The following ELOB variants were observed in gnomAD, a reference collection of about 807,000 sequenced individuals.
The protein encoded by ELOB is elongin B.
In ELOB, 3 loss-of-function variants were observed where a neutral mutation model predicts 12.9. The ratio of observed to expected loss-of-function variants is 0.23; its 90% CI spans 0.11 to 0.60. ELOB has a LOEUF of 0.60. Among genes scored for constraint, ELOB ranks in the 20% least tolerant of loss-of-function variants. ELOB has a pLI of 0.89. For synonymous variants in ELOB, 84 were observed against 67.4 expected (o/e 1.25, Z -1.21); for missense variants, 126 against 159.2 (o/e 0.79, Z 1.12).
In ELOB at chr16:2,771,812, T is replaced by C. The variant is rs2068756801; in HGVS notation, c.*178A>G. 6.9e-7 allele frequency: 1 copy of C among 1,451,562 alleles called. No homozygotes were observed. The highest frequency in any genetic ancestry group is 1.4e-5 in the African/African-American group (1 of 70,136). 89.9% of individuals were successfully genotyped at this position (1,451,562 alleles called of 1,614,324 possible). Reference sequence around the variant, plus strand: ...CCTTTAAGCAGCAGGCTGGGCCAAGTTCTCAGCCAGGGTCTCAGGATCTGG... The same window carrying C: ...CCTTTAAGCAGCAGGCTGGGCCAAGCTCTCAGCCAGGGTCTCAGGATCTGG... On this transcript the variant is annotated 3_prime_UTR_variant, in exon 4 of 4. Coordinates refer to ENST00000409906, the MANE Select transcript of ELOB (RefSeq NM_007108.4).
intron 3 of ELOB, among the ~76,000 whole-genome samples, chr16:2,774,116 GCTC>G (rs2068785355): frequency 6.6e-6 from 1 of 152,188 alleles, no homozygotes; most frequent in South Asian, 2.1e-4. Context: ...TGTAATCCCA[GCTC>G]CTCAGGCCAC....
chr16:2,772,604 G>T (rs1024090113), intron 3 of ELOB: 5 of 151,792 alleles, frequency 3.3e-5, no homozygotes, highest in African/African-American at 9.7e-5. Flanking sequence ...CAGCTTCTCG[G>T]GAGGCTGAGG....
In ELOB at chr16:2,771,873, C is replaced by A; in HGVS notation, c.*117G>T. ...AGCACAGGAACTGCCAAGCACAAGCCCCAAAAGGAGCCCACAGGGAGTGGG... is the reference window on the plus strand; with the variant it reads ...AGCACAGGAACTGCCAAGCACAAGCACCAAAAGGAGCCCACAGGGAGTGGG... On this transcript the variant is annotated 3_prime_UTR_variant, in exon 4 of 4. Transcript: ENST00000409906. 1 of 1,471,864 alleles carries A rather than the reference C, an allele frequency of 6.8e-7. No individual in the cohort carries two copies. The highest frequency in any genetic ancestry group is 9.0e-7 in the Non-Finnish European group (1 of 1,110,606). 91.2% of individuals were successfully genotyped at this position (1,471,864 alleles called of 1,614,324 possible).
Position 2,771,950 on chromosome 16 carries a change from A to C in ELOB, c.*40T>G, listed in dbSNP as rs759789940. The stretch of plus-strand genomic sequence containing the variant: ...AGAGGCAGCAACCAGGCAGACTCCC[A>C]AATCTCTTTTATTGGGGGAAATGGG... On this transcript the variant is annotated 3_prime_UTR_variant, in exon 4 of 4. Transcript: ENST00000409906. The C allele has an allele frequency of 6.3e-7, 1 of 1,591,540 alleles. No homozygotes were observed. The highest frequency in any genetic ancestry group is 8.5e-7 in the Non-Finnish European group (1 of 1,170,558).
At chr16:2,774,270 G>A (rs985763800) in intron 3 of ELOB, among the ~76,000 whole-genome samples, 5 of 152,168 alleles carry the variant, frequency 3.3e-5, no homozygotes, top group South Asian at 2.1e-4. Flanking sequence ...TACAAGGCAC[G>A]ACCTGTGTCT....
intron 3 of ELOB, 59 bp from the exon 4 acceptor site, chr16:2,772,161 C>G: frequency 6.7e-7 from 1 of 1,501,558 alleles, no homozygotes; most frequent in South Asian, 1.3e-5. Flanking sequence ...CAGCTGGGGC[C>G]TTGGTGTTCA....
Position 2,771,680 on chromosome 16 carries a change from T to C in ELOB, c.*310A>G. On this transcript the variant is annotated 3_prime_UTR_variant, in exon 4 of 4. Coordinates refer to ENST00000409906, the MANE Select transcript of ELOB (RefSeq NM_007108.4). Reference sequence around the variant, plus strand: ...CTTGTCCCTGAGGCTGGCTCTGGTCTTTGTGTCTCTCCCAGTCCTTCCCTT... The same window carrying C: ...CTTGTCCCTGAGGCTGGCTCTGGTCCTTGTGTCTCTCCCAGTCCTTCCCTT... The C allele has an allele frequency of 6.2e-7, 1 of 1,601,154 alleles. No homozygotes were observed. Among genetic ancestry groups the C allele is most frequent in the Non-Finnish European group, 8.5e-7 (1 of 1,174,224 alleles).
rs1010996845 is a variant in ELOB at position 2,775,873 on chromosome 16, C to T, written c.139-317G>A. On this transcript the variant is annotated intron_variant, in intron 2 of 3. Coordinates refer to ENST00000409906, the MANE Select transcript of ELOB (RefSeq NM_007108.4). ...CCCAGCTCTGTCACCCTGGACTAGG[C>T]ATTTGAACATTTTTTTATTTTAGAG... Among the ~76,000 whole-genome samples the T allele has an allele frequency of 5.3e-5, 8 of 152,200 alleles. No individual in the cohort carries two copies. In the South Asian group the frequency reaches 8.3e-4, roughly 16 times the overall value.
intron 3 of ELOB, among the ~76,000 whole-genome samples, chr16:2,774,354 C>T (rs569871286): frequency 1.3e-3 from 199 of 152,370 alleles, no homozygotes; most frequent in Non-Finnish European, 1.8e-3. Flanking sequence ...CTGAAGCTTC[C>T]CATCTGTTGG....
Position 2,771,831 on chromosome 16 carries a change from G to A in ELOB, c.*159C>T, listed in dbSNP as rs2068757181. On this transcript the variant is annotated 3_prime_UTR_variant, in exon 4 of 4. Coordinates refer to ENST00000409906, the MANE Select transcript of ELOB (RefSeq NM_007108.4). ...GCCAAGTTCTCAGCCAGGGTCTCAG[G>A]ATCTGGGAGACAGGACAGCACAGGA... 4 of 1,452,736 alleles carry A rather than the reference G, an allele frequency of 2.8e-6. No homozygotes were observed. In the South Asian group the frequency reaches 4.4e-5, roughly 16 times the overall value. 90.0% of individuals were successfully genotyped at this position (1,452,736 alleles called of 1,614,324 possible).
At chr16:2,773,820 C>T (rs1318277440) in intron 3 of ELOB, among the ~76,000 whole-genome samples, 3 of 152,198 alleles carry the variant, frequency 2.0e-5, no homozygotes, top group Non-Finnish European at 4.4e-5. Context: ...CACAGCAAAC[C>T]TCTAGGGGTA....
Position 2,771,676 on chromosome 16 carries a change from G to A in ELOB, c.*314C>T. The A allele has an allele frequency of 1.2e-6, 2 of 1,603,588 alleles. No homozygotes were observed. The highest frequency in any genetic ancestry group is 1.7e-6 in the Non-Finnish European group (2 of 1,175,262). On this transcript the variant is annotated 3_prime_UTR_variant, in exon 4 of 4. Coordinates refer to ENST00000409906, the MANE Select transcript of ELOB (RefSeq NM_007108.4). Reference sequence around the variant, plus strand: ...ATCTCTTGTCCCTGAGGCTGGCTCTGGTCTTTGTGTCTCTCCCAGTCCTTC... The same window carrying A: ...ATCTCTTGTCCCTGAGGCTGGCTCTAGTCTTTGTGTCTCTCCCAGTCCTTC...
chr16:2,772,047 G>A lies in ELOB; in HGVS notation c.300C>T (p.Pro100=), dbSNP rs143094809. The A allele has an allele frequency of 1.5e-5, 24 of 1,613,184 alleles. No homozygotes were observed. The highest frequency in any genetic ancestry group is 7.7e-5 in the South Asian group (7 of 90,988). ...CCGAGTCCTGGGGCTTCATCACATC[G>A]GGCAGCTCTGGCGGGCTGGAAAACG... The part of the protein sequence containing the change: ...IEPFSSPPEL[P]DVMKPQDSGS... The change falls in exon 4 of 4, where the codon CCC becomes CCT. Residue 100 remains proline (P), a synonymous_variant. Coordinates refer to ENST00000409906, the MANE Select transcript of ELOB (RefSeq NM_007108.4).
rs763431370 is a variant in ELOB at position 2,777,104 on chromosome 16, G to A, written c.27C>T (p.Arg9=). The A allele has an allele frequency of 1.9e-6, 3 of 1,591,504 alleles. No homozygotes were observed. Among genetic ancestry groups the A allele is most frequent in the Admixed American group, 1.7e-5 (1 of 58,860 alleles). ...CGTCCGTGAAGATGGTGGTCTTGTG[G>A]CGCCGGATCATGAGGAACACGTCCT... MDVFLMIR[R]HKTTIFTDAK... The change falls in exon 2 of 4, where the codon CGC becomes CGT. Residue 9 remains arginine, a synonymous_variant. Transcript: ENST00000409906.
rs1179106433 is a variant in ELOB at position 2,772,101 on chromosome 16, A to G, written c.246T>C (p.Asp82=). Residue 82 remains aspartate (D), a splice_region_variant and synonymous_variant, in exon 4 of 4, where the codon GAT becomes GAC. Transcript: ENST00000409906. ...PATVGLAFRA[D]DTFEALCIEP... is the part of the protein sequence containing the mutation. Reference sequence around the variant, plus strand: ...CGATGCACAGGGCCTCAAAGGTGTCATCTGTGGAGGAAGCAGCAGAGCTGC... The same window carrying G: ...CGATGCACAGGGCCTCAAAGGTGTCGTCTGTGGAGGAAGCAGCAGAGCTGC... 8 of 1,604,256 alleles carry G rather than the reference A, an allele frequency of 5.0e-6. No homozygotes were observed. The highest frequency in any genetic ancestry group is 1.3e-5 in the African/African-American group (1 of 74,522).
chr16:2,775,506 G>C lies in ELOB; in HGVS notation c.189C>G (p.Thr63=), dbSNP rs769421936. 6.8e-6 allele frequency: 11 copies of C among 1,608,828 alleles called. No individual in the cohort carries two copies. The Admixed American group carries it at 1.8e-4, about 27-fold the overall frequency. The change falls in exon 3 of 4, where the codon ACC becomes ACG. Residue 63 remains threonine, a synonymous_variant. Coordinates refer to ENST00000409906, the MANE Select transcript of ELOB (RefSeq NM_007108.4). ...GGGCCTGTGGCCGTGCTGTTTGACT[G>C]GTGAAGCCACACTCGCCCAGTGTCT... is the stretch of plus-strand genomic sequence containing the variant. ...DGKTLGECGF[T]SQTARPQAPA...
intron 2 of ELOB, among the ~76,000 whole-genome samples, chr16:2,776,208 G>A (rs899629099): frequency 4.6e-5 from 7 of 152,204 alleles, no homozygotes; most frequent in Non-Finnish European, 8.8e-5. Context: ...GCACAGGCAC[G>A]GTCATTTAAT....
chr16:2,776,546 T>TA (rs2068801445), intron 2 of ELOB, among the ~76,000 whole-genome samples: 1 of 152,318 alleles, frequency 6.6e-6, no homozygotes, highest in African/African-American at 2.4e-5. Context: ...GGACCTGACT[T>TA]TCTTTGCATT....
At position 2,772,101 on chromosome 16, in the gene ELOB, A is replaced by T. The variant is rs1179106433; in HGVS notation, c.246T>A (p.Asp82Glu). ...PATVGLAFRA[D>E]DTFEALCIEP... is the part of the protein sequence containing the mutation. ...CGATGCACAGGGCCTCAAAGGTGTC[A>T]TCTGTGGAGGAAGCAGCAGAGCTGC... Residue 82 changes from aspartate to glutamate, a missense_variant and splice_region_variant, in exon 4 of 4, where the codon GAT (aspartate) becomes GAA (glutamate). Coordinates refer to ENST00000409906, the MANE Select transcript of ELOB (RefSeq NM_007108.4). 4 of 1,604,374 alleles carry T rather than the reference A, an allele frequency of 2.5e-6. No individual in the cohort carries two copies. The Admixed American group carries it at 5.1e-5, about 21-fold the overall frequency.
Sources: allele counts gnomAD v4.1 joint callset (sites outside exome capture counted in the v4.1 genomes callset), GRCh38; gene constraint gnomAD v4.1.1; transcripts MANE v1.5; gene names NCBI Gene and HGNC (gene_info 2026-07-23, HGNC 2026-07-21).